SEPTIN7: variants seen among roughly 807,000 people sequenced by gnomAD.
SEPTIN7 encodes septin-7.
Under a neutral mutation model 63.3 loss-of-function variants are expected in SEPTIN7, and 10 were observed. That is an observed-to-expected ratio of 0.16 (90% confidence interval 0.10 to 0.27). SEPTIN7 has a LOEUF of 0.27. Among genes scored for constraint, SEPTIN7 ranks in the 10% least tolerant of loss-of-function variants. SEPTIN7 has a pLI of 1.00. For synonymous variants in SEPTIN7, 131 were observed against 165.3 expected, an observed-to-expected ratio of 0.79 and a Z score of 1.59; for missense variants, 310 against 521.0, an observed-to-expected ratio of 0.59 and a Z score of 3.94.
At chr7:35,882,355 A>C (rs1175386740) in intron 7 of SEPTIN7, 129 bp from the exon 8 acceptor site, 2 of 605,534 alleles carry the variant, frequency 3.3e-6, no homozygotes, top group Non-Finnish European at 4.8e-6. Flanking sequence ...ACAACTTTGC[A>C]TCATTAAAAA....
At chr7:35,910,306 T>C (rs1022809093), downstream of SEPTIN7, among the ~76,000 whole-genome samples, 24 of 152,234 alleles carry the variant, frequency 1.6e-4, no homozygotes, top group African/African-American at 5.8e-4. Flanking sequence ...CTTTTATAAA[T>C]AGTCTTATTT....
intron 3 of SEPTIN7, among the ~76,000 whole-genome samples, chr7:35,842,389 ATTTATATCTAGGTCTTGGGGTT>A (rs1177337901): frequency 6.6e-6 from 1 of 151,106 alleles, no homozygotes; most frequent in African/African-American, 2.4e-5. Context: ...ATTTTCATGT[ATTTATATCTAGGTCTTGGGGTT>A]TTTTGGTCTG....
the SEPTIN7 span, among the ~76,000 whole-genome samples, chr7:35,912,747 G>A: frequency 6.6e-6 from 1 of 152,206 alleles, no homozygotes; most frequent in Non-Finnish European, 1.5e-5. Flanking sequence ...TAAGTTGTAA[G>A]ATCTGAAGGA....
intron 11 of SEPTIN7, among the ~76,000 whole-genome samples, chr7:35,893,579 T>A (rs1359314181): frequency 6.6e-6 from 1 of 152,188 alleles, no homozygotes; most frequent in African/African-American, 2.4e-5. Flanking sequence ...GTTGAACCGA[T>A]GACAAGTGAA....
At chr7:35,835,923 G>A (rs1230910590) in intron 3 of SEPTIN7, among the ~76,000 whole-genome samples, 2 of 152,204 alleles carry the variant, frequency 1.3e-5, no homozygotes, top group African/African-American at 4.8e-5. Context: ...TATTTTAGTG[G>A]AGGAGGAAGA....
chr7:35,907,530 G>C (rs1788653058), downstream of SEPTIN7, among the ~76,000 whole-genome samples: 4 of 152,200 alleles, frequency 2.6e-5, no homozygotes, highest in Admixed American at 6.5e-5. Context: ...AGGAAACTGA[G>C]GGTTTAAGAT....
At chr7:35,872,816 G>A (rs780775973) in intron 5 of SEPTIN7, 50 bp downstream of exon 5, 1 of 1,244,724 alleles carries the variant, frequency 8.0e-7, no homozygotes, top group African/African-American at 1.5e-5. Context: ...GGGTACTGGG[G>A]TGGTTAAACT....
chr7:35,865,333 T>G, intron 4 of SEPTIN7, among the ~76,000 whole-genome samples: 1 of 152,272 alleles, frequency 6.6e-6, no homozygotes, highest in Admixed American at 6.5e-5. Flanking sequence ...CCCCCAAAGA[T>G]ACACACCTTA....
chr7:35,819,824 A>G (rs888314448), intron 1 of SEPTIN7, among the ~76,000 whole-genome samples: 1 of 152,078 alleles, frequency 6.6e-6, no homozygotes, highest in African/African-American at 2.4e-5. Context: ...TCATGTGGGC[A>G]CCACATAGTT....
At chr7:35,861,881 A>G (rs1032670179) in intron 3 of SEPTIN7, among the ~76,000 whole-genome samples, 13 of 152,298 alleles carry the variant, frequency 8.5e-5, no homozygotes, top group African/African-American at 3.1e-4. Context: ...AAGGGGTGGG[A>G]CAAGATCACA....
At position 35,835,993 on chromosome 7, in the gene SEPTIN7, T is replaced by G. The variant is rs180868298; in HGVS notation, c.169+3093T>G. ...GATGATATAAGGAATTTTTCAAGAT[T>G]TTTTTCACAGCACACTGACTTTAGG... On this transcript the variant is annotated intron_variant, in intron 3 of 13. Coordinates refer to ENST00000350320, the MANE Select transcript of SEPTIN7 (RefSeq NM_001788.6). Among the ~76,000 whole-genome samples, 75 of 152,288 alleles carry G rather than the reference T, an allele frequency of 4.9e-4. No individual in the cohort carries two copies. The East Asian group carries it at 0.012, about 25-fold the overall frequency.
intron 3 of SEPTIN7, among the ~76,000 whole-genome samples, chr7:35,851,394 A>T (rs1485841872): frequency 6.6e-6 from 1 of 152,188 alleles, no homozygotes; most frequent in Non-Finnish European, 1.5e-5. Flanking sequence ...CAAAACATGT[A>T]TAATGCATTT....
rs897694656 is a variant in SEPTIN7 at position 35,898,240 on chromosome 7, C to T, written c.999-8C>T. Reference sequence around the variant, plus strand: ...ACATTTAATGATTACCCTTAATATTCGTGACAGGAGCCCTCTGGCACAAAT... The same window carrying T: ...ACATTTAATGATTACCCTTAATATTTGTGACAGGAGCCCTCTGGCACAAAT... On this transcript the variant is annotated splice_region_variant and splice_polypyrimidine_tract_variant and intron_variant, in intron 11 of 13. Coordinates refer to ENST00000350320, the MANE Select transcript of SEPTIN7 (RefSeq NM_001788.6). 15 of 1,525,488 alleles carry T rather than the reference C, an allele frequency of 9.8e-6. No individual in the cohort carries two copies. The highest frequency in any genetic ancestry group is 8.2e-5 in the Admixed American group (4 of 48,640). The allele number at this position is 1,525,488 out of a possible 1,614,324, so 94.5% of individuals were successfully genotyped here. A position where few individuals can be genotyped will look rare whatever the true frequency, so the allele number is the denominator to read the frequency against.
rs1014018736 is a variant in SEPTIN7 at position 35,808,406 on chromosome 7, C to T, written c.61+7136C>T. The stretch of plus-strand genomic sequence containing the variant: ...CCAATGAGTGTAATTTGGGTTATTC[C>T]GTATCAGTACATAAAGAGCATTCTT... On this transcript the variant is annotated intron_variant, in intron 1 of 13. Transcript: ENST00000350320. Among the ~76,000 whole-genome samples the T allele has an allele frequency of 3.9e-5, 6 of 152,098 alleles. No homozygotes were observed. The East Asian group carries it at 7.7e-4, about 20-fold the overall frequency.
the SEPTIN7 span, among the ~76,000 whole-genome samples, chr7:35,913,397 CTT>C: frequency 1.1e-4 from 17 of 151,822 alleles, no homozygotes; most frequent in African/African-American, 3.9e-4. Context: ...ATCTTTCTTT[CTT>C]TCTTTCTCTT....
intron 3 of SEPTIN7, among the ~76,000 whole-genome samples, chr7:35,858,669 G>A (rs1312593369): frequency 6.8e-6 from 1 of 147,316 alleles, no homozygotes; most frequent in Non-Finnish European, 1.5e-5. Context: ...CTATTCTTTT[G>A]GTTTTCTTTT....
chr7:35,882,412 C>T (rs1278391264), intron 7 of SEPTIN7, 72 bp from the exon 8 acceptor site: 1 of 1,138,728 alleles, frequency 8.8e-7, no homozygotes, highest in Non-Finnish European at 1.1e-6. Flanking sequence ...ATCGAAGAGG[C>T]ATGTAATGAA....
intron 3 of SEPTIN7, among the ~76,000 whole-genome samples, chr7:35,863,171 A>G (rs1785605387): frequency 6.6e-6 from 1 of 152,250 alleles, no homozygotes; most frequent in South Asian, 2.1e-4. Flanking sequence ...TGTTTTGATC[A>G]TTCATTATTG....
At chr7:35,888,058 G>T (rs1264883883) in intron 10 of SEPTIN7, among the ~76,000 whole-genome samples, 1 of 152,148 alleles carries the variant, frequency 6.6e-6, no homozygotes. Context: ...ACGATGGAAA[G>T]GAGGAAAACT....
Sources: allele counts gnomAD v4.1 joint callset (sites outside exome capture counted in the v4.1 genomes callset), GRCh38; gene constraint gnomAD v4.1.1; transcripts MANE v1.5; gene names NCBI Gene and HGNC (gene_info 2026-07-23, HGNC 2026-07-21).